CYTH3: variants seen among roughly 807,000 people sequenced by gnomAD.
CYTH3 encodes cytohesin 3.
CYTH3 carries 23 observed loss-of-function variants against 55.1 expected under a neutral mutation model. The ratio of observed to expected loss-of-function variants is 0.42; its 90% CI spans 0.30 to 0.59. CYTH3 has a LOEUF of 0.59. Ranked by LOEUF, CYTH3 falls within the 20% of genes least tolerant of loss-of-function variation. The pLI, the probability that CYTH3 is intolerant of heterozygous loss-of-function variation, is 0.20. For synonymous variants in CYTH3, 249 were observed against 194.9 expected (o/e 1.28, Z -2.31); for missense variants, 413 against 524.8 (o/e 0.79, Z 2.08).
intron 1 of CYTH3, among the ~76,000 whole-genome samples, chr7:6,196,456 CTTTTTTTTTTTT>C (rs5882084): frequency 8.8e-6 from 1 of 113,986 alleles, no homozygotes; most frequent in Non-Finnish European, 1.7e-5. Context: ...TTCTTTTTTT[CTTTTTTTTTTTT>C]TTTTTTTTGA....
chr7:6,215,356 C>T (rs6977296), intron 1 of CYTH3, among the ~76,000 whole-genome samples: 75 of 152,180 alleles, frequency 4.9e-4, no homozygotes, highest in African/African-American at 1.6e-3. Flanking sequence ...TTTGGGATGC[C>T]GAGGCGGGCG....
chr7:6,269,018 C>A (rs1162545907), intron 1 of CYTH3, among the ~76,000 whole-genome samples: 9 of 152,134 alleles, frequency 5.9e-5, no homozygotes, highest in Non-Finnish European at 8.8e-5. Flanking sequence ...AGACAAGGTA[C>A]CTGCCAGAGA....
intron 1 of CYTH3, among the ~76,000 whole-genome samples, chr7:6,267,390 T>C (rs1475593506): frequency 2.0e-5 from 3 of 152,186 alleles, no homozygotes; most frequent in Admixed American, 6.5e-5. Flanking sequence ...CAAAAGAATA[T>C]ACTCTAAGCA....
chr7:6,259,660 T>C (rs1780227328), intron 1 of CYTH3, among the ~76,000 whole-genome samples: 2 of 140,244 alleles, frequency 1.4e-5, no homozygotes, highest in South Asian at 2.2e-4. Context: ...AAAAACAGGA[T>C]GGAGAGTCAT....
intron 1 of CYTH3, among the ~76,000 whole-genome samples, chr7:6,237,398 T>A (rs1474519201): frequency 6.6e-6 from 1 of 152,094 alleles, no homozygotes; most frequent in Admixed American, 6.5e-5. Flanking sequence ...CCTTTTCCCA[T>A]CCCATCTGAT....
chr7:6,174,096 T>C (rs1783270921), intron 5 of CYTH3, among the ~76,000 whole-genome samples: 1 of 151,938 alleles, frequency 6.6e-6, no homozygotes, highest in Non-Finnish European at 1.5e-5. Flanking sequence ...GCCAGAGAGA[T>C]TTCCAAAGTA....
intron 1 of CYTH3, among the ~76,000 whole-genome samples, chr7:6,272,075 C>G (rs1012822193): frequency 6.6e-6 from 1 of 152,220 alleles, no homozygotes; most frequent in African/African-American, 2.4e-5. Context: ...CCCACCTGAG[C>G]TGAAAGGGGG....
chr7:6,209,526 C>G (rs901597603), intron 1 of CYTH3, among the ~76,000 whole-genome samples: 1 of 152,172 alleles, frequency 6.6e-6, no homozygotes, highest in African/African-American at 2.4e-5. Flanking sequence ...TGACTAAAAA[C>G]CATTTGAGGA....
intron 1 of CYTH3, among the ~76,000 whole-genome samples, chr7:6,208,796 G>A (rs1342196341): frequency 6.6e-6 from 1 of 152,104 alleles, no homozygotes; most frequent in Admixed American, 6.6e-5. Context: ...CAAGGTGTTG[G>A]GATTACAGGT....
rs1251679177 is a variant in CYTH3, at chr7:6,198,416, CA to C, written c.35-7886del. Among the ~76,000 whole-genome samples the C allele has an allele frequency of 2.6e-5, 4 of 151,478 alleles. No homozygotes were observed. The South Asian group carries it at 8.6e-4, about 32-fold the overall frequency. ...TCCCTCTGCATCCAAAATAACTTTG[CA>C]GTCACAGAATCTGCTGATACACAGA... On this transcript the variant is annotated intron_variant, in intron 1 of 12. Transcript: ENST00000350796.
intron 1 of CYTH3, among the ~76,000 whole-genome samples, chr7:6,207,535 G>A (rs1056362270): frequency 1.3e-5 from 2 of 152,066 alleles, no homozygotes; most frequent in African/African-American, 2.4e-5. Context: ...GAAGCCAAGG[G>A]GGTTGGATCA....
chr7:6,165,320 G>A lies in CYTH3; in HGVS notation c.1080C>T (p.Ile360=). The change falls in exon 12 of 13, where the codon ATC becomes ATT. Residue 360 remains isoleucine (I), a synonymous_variant. Transcript: ENST00000350796. The part of the protein sequence containing the change: ...VVEGNHVVYR[I]SAPSPEEKEE... Reference sequence around the variant, plus strand: ...CCTTCTCCTCCGGGCTCGGGGCTGAGATCCGGTACACCACATGGTTCCCCT... The same window carrying A: ...CCTTCTCCTCCGGGCTCGGGGCTGAAATCCGGTACACCACATGGTTCCCCT... 6.2e-7 allele frequency: 1 copy of A among 1,614,100 alleles called. No homozygotes were observed. Among genetic ancestry groups the A allele is most frequent in the Admixed American group, 1.7e-5 (1 of 60,004 alleles).
chr7:6,174,451 T>G (rs767022806), intron 5 of CYTH3, among the ~76,000 whole-genome samples: 3 of 152,112 alleles, frequency 2.0e-5, no homozygotes, highest in Non-Finnish European at 2.9e-5. Context: ...GAATAAGGGT[T>G]TGACTTCCCT....
chr7:6,178,685 G>A (rs1783406435), intron 4 of CYTH3, among the ~76,000 whole-genome samples: 2 of 152,198 alleles, frequency 1.3e-5, no homozygotes, highest in South Asian at 2.1e-4. Context: ...CTCGCCCTGT[G>A]TAAGATACAT....
chr7:6,259,811 A>G (rs1166334704), intron 1 of CYTH3, among the ~76,000 whole-genome samples: 3 of 26,394 alleles, frequency 1.1e-4, no homozygotes, highest in Non-Finnish European at 1.6e-4. Context: ...ATATATATAT[A>G]TAATATATAT....
At position 6,165,960 on chromosome 7, in the gene CYTH3, C is replaced by A. The variant is rs973524865; in HGVS notation, c.824-150G>T. On this transcript the variant is annotated intron_variant, in intron 9 of 12. Transcript: ENST00000350796. ...TTCAGGTGTCCTTCAGCGTTCCCAC[C>A]GCAGGGCCCCACATGCACCCACCCC... is the stretch of plus-strand genomic sequence containing the variant. The A allele has an allele frequency of 2.6e-5, 19 of 730,390 alleles. No individual in the cohort carries two copies. In the African/African-American group the frequency reaches 3.2e-4, roughly 12 times the overall value. The allele number at this position is 730,390 out of a possible 1,614,324, so 45.2% of individuals were successfully genotyped here. A position where few individuals can be genotyped will look rare whatever the true frequency, so the allele number is the denominator to read the frequency against.
chr7:6,193,787 T>G (rs1783857980), intron 1 of CYTH3, among the ~76,000 whole-genome samples: 1 of 152,122 alleles, frequency 6.6e-6, no homozygotes, highest in South Asian at 2.1e-4. Flanking sequence ...ACAGAGAGAC[T>G]AGGGCACTTC....
chr7:6,264,345 C>T (rs1780429792), intron 1 of CYTH3, among the ~76,000 whole-genome samples: 1 of 152,184 alleles, frequency 6.6e-6, no homozygotes. Context: ...GGCACGGTGG[C>T]TCATGCCTGC....
intron 1 of CYTH3, among the ~76,000 whole-genome samples, chr7:6,242,513 A>T (rs1325690139): frequency 2.7e-5 from 4 of 149,488 alleles, no homozygotes; most frequent in African/African-American, 9.9e-5. Flanking sequence ...AGTAGCTGGG[A>T]CTACAGGCAC....
Sources: allele counts gnomAD v4.1 joint callset (sites outside exome capture counted in the v4.1 genomes callset), GRCh38; gene constraint gnomAD v4.1.1; transcripts MANE v1.5; gene names NCBI Gene and HGNC (gene_info 2026-07-23, HGNC 2026-07-21).